Variants in MYOF observed in about 807,000 individuals in gnomAD.
The protein encoded by MYOF is myoferlin.
MYOF carries 244 observed loss-of-function variants against 284.2 expected under a neutral mutation model. The ratio of observed to expected loss-of-function variants is 0.86; its 90% CI spans 0.77 to 0.95. The LOEUF (loss-of-function observed/expected upper bound fraction) is 0.95. Ranked by LOEUF, MYOF falls within the 40% of genes least tolerant of loss-of-function variation. The pLI is 0.00. For missense variants in MYOF, 2,496 were observed against 2,560.6 expected (o/e 0.97, Z 0.54); for synonymous variants, 904 against 919.7 (o/e 0.98, Z 0.31).
In MYOF at chr10:93,306,947, G is replaced by A. The variant is rs1014068736; in HGVS notation, c.*16C>T. 1.7e-5 allele frequency: 28 copies of A among 1,611,532 alleles called. No homozygotes were observed. The highest frequency in any genetic ancestry group is 2.3e-5 in the Non-Finnish European group (27 of 1,178,128). Reference sequence around the variant, plus strand: ...CTCATTGCTGGATGACTCTTGAAATGAAGCCTTTGCCTTTGTTACACATTT... The same window carrying A: ...CTCATTGCTGGATGACTCTTGAAATAAAGCCTTTGCCTTTGTTACACATTT... On this transcript the variant is annotated 3_prime_UTR_variant, in exon 54 of 54. Transcript: ENST00000359263.
intron 2 of MYOF, among the ~76,000 whole-genome samples, chr10:93,454,985 AT>A (rs141593861): frequency 0.07 from 2,034 of 29,208 alleles, 280 homozygotes; most frequent in African/African-American, 0.15. Context: ...TCTTTTTTTA[AT>A]TAAAAAAAAA....
Position 93,378,693 on chromosome 10 carries a change from G to GTGTGTGTATA in MYOF, c.2001+1169_2001+1170insTATACACACA. Among the ~76,000 whole-genome samples, 31 of 87,868 alleles carry GTGTGTGTATA rather than the reference G, an allele frequency of 3.5e-4. 2 individuals are homozygous for GTGTGTGTATA. The highest frequency in any genetic ancestry group is 1.6e-3 in the East Asian group (2 of 1,228). 57.6% of individuals were successfully genotyped at this position (87,868 alleles called of 152,430 possible). A position where few individuals can be genotyped will look rare whatever the true frequency, so the allele number is the denominator to read the frequency against. On this transcript the variant is annotated intron_variant, in intron 21 of 53. Transcript: ENST00000359263. ...TATGTGTGTGTGTATGTGTGTGTGTGTATATATATATATATATATATATGT... is the reference window on the plus strand; with the variant it reads ...TATGTGTGTGTGTATGTGTGTGTGTGTGTGTGTATATATATATATATATATATATATATGT...
intron 36 of MYOF, 37 bp from the exon 37 acceptor site, chr10:93,347,819 C>G (rs764707179): frequency 6.3e-7 from 1 of 1,583,472 alleles, no homozygotes; most frequent in Non-Finnish European, 8.6e-7. Flanking sequence ...TTCTCAAGAC[C>G]AGACGAGGGC....
chr10:93,398,023 T>C (rs1847105919), intron 13 of MYOF, among the ~76,000 whole-genome samples: 1 of 152,306 alleles, frequency 6.6e-6, no homozygotes, highest in Middle Eastern at 3.4e-3. Context: ...TCTTGCCTCC[T>C]GACTTTCATG....
chr10:93,314,989 T>C (rs1158905978), intron 50 of MYOF, among the ~76,000 whole-genome samples: 2 of 152,178 alleles, frequency 1.3e-5, no homozygotes, highest in African/African-American at 4.8e-5. Flanking sequence ...AGGTGGAGGT[T>C]GCAGTGATCC....
At chr10:93,383,112 G>T (rs866214191) in intron 19 of MYOF, among the ~76,000 whole-genome samples, 3 of 152,012 alleles carry the variant, frequency 2.0e-5, no homozygotes, top group Non-Finnish European at 4.4e-5. Context: ...GGCCAGGCTG[G>T]TCTCTAACTC....
intron 23 of MYOF, 63 bp from the exon 24 acceptor site, chr10:93,373,148 C>T (rs787647): frequency 0.8 from 1,275,934 of 1,598,594 alleles, 511,073 homozygotes; most frequent in East Asian, 0.98. Context: ...GGAGAGGGAC[C>T]GAAGACCCTG....
Position 93,351,667 on chromosome 10 carries a change from C to T in MYOF, c.3661G>A (p.Val1221Met), listed in dbSNP as rs1473091047. 3.1e-6 allele frequency: 5 copies of T among 1,587,850 alleles called. No homozygotes were observed. Among genetic ancestry groups the T allele is most frequent in the African/African-American group, 1.4e-5 (1 of 73,692 alleles). The change falls in exon 33 of 54, where the codon GTG (valine) becomes ATG (methionine). Residue 1221 changes from valine to methionine, a missense_variant and splice_region_variant. Physicochemically the swap from Val to Met is conservative, Grantham distance 21. This residue lies in a region of MYOF where 2,436 missense variants were observed against 2,480.7 expected (regional missense o/e 0.98). Transcript: ENST00000359263. ...CTTAGAAATTCTAAACGACCTACCA[C>T]TTGGTCATTGTCAAAAAGTTCCATG... ...VIMELFDNDQ[V>M]GKDEFLGRSI...
chr10:93,458,474 ACCTGTAATC>A (rs1312287178), intron 1 of MYOF, among the ~76,000 whole-genome samples: 1 of 150,862 alleles, frequency 6.6e-6, no homozygotes, highest in East Asian at 2.0e-4. Flanking sequence ...GGTGGCTGAC[ACCTGTAATC>A]CCAGCACTTT....
At chr10:93,332,940 A>AG (rs895487080) in intron 43 of MYOF, among the ~76,000 whole-genome samples, 4 of 152,140 alleles carry the variant, frequency 2.6e-5, no homozygotes, top group African/African-American at 7.2e-5. Context: ...GCCAGGTGGG[A>AG]GGGGGGTCCC....
intron 45 of MYOF, among the ~76,000 whole-genome samples, chr10:93,326,304 C>G (rs544917188): frequency 6.6e-6 from 1 of 152,274 alleles, no homozygotes; most frequent in African/African-American, 2.4e-5. Flanking sequence ...GCCATGTGAC[C>G]AAGTTCAGCC....
At chr10:93,333,974 G>A (rs141948438) in intron 41 of MYOF, 61 bp from the exon 42 acceptor site, 39,957 of 1,544,158 alleles carry the variant, frequency 0.026, 695 homozygotes, top group South Asian at 0.064. Flanking sequence ...AGGGCTCCTG[G>A]GAAGTCCCCT....
intron 5 of MYOF, among the ~76,000 whole-genome samples, chr10:93,410,686 GAGTT>G (rs1847865208): frequency 6.6e-6 from 1 of 152,180 alleles, no homozygotes; most frequent in African/African-American, 2.4e-5. Context: ...AATACACAAA[GAGTT>G]AGAACTTCTG....
chr10:93,370,015 G>C (rs1241859191), intron 24 of MYOF, among the ~76,000 whole-genome samples: 1 of 152,158 alleles, frequency 6.6e-6, no homozygotes, highest in African/African-American at 2.4e-5. Flanking sequence ...TTTTCAGGAG[G>C]TCCACAAGGT....
chr10:93,403,131 A>C (rs923672954), intron 9 of MYOF, among the ~76,000 whole-genome samples: 5 of 152,214 alleles, frequency 3.3e-5, no homozygotes, highest in Admixed American at 3.3e-4. Context: ...AAGGGACCAC[A>C]GAAGCAGAGT....
chr10:93,375,887 C>A (rs1271680062), intron 22 of MYOF, among the ~76,000 whole-genome samples: 1 of 152,148 alleles, frequency 6.6e-6, no homozygotes, highest in East Asian at 1.9e-4. Flanking sequence ...CCAGAATTAG[C>A]CTTCTGCTGC....
intron 19 of MYOF, among the ~76,000 whole-genome samples, chr10:93,385,934 G>A (rs1164813838): frequency 6.6e-6 from 1 of 151,020 alleles, no homozygotes; most frequent in African/African-American, 2.4e-5. Context: ...AAACTAATTT[G>A]GTTTTGCATT....
chr10:93,420,502 A>G (rs1848316056), intron 5 of MYOF, among the ~76,000 whole-genome samples: 1 of 152,218 alleles, frequency 6.6e-6, no homozygotes, highest in African/African-American at 2.4e-5. Context: ...TCATCTTCAT[A>G]TAAAAGCTCT....
At chr10:93,421,331 T>A (rs1036506099) in intron 5 of MYOF, among the ~76,000 whole-genome samples, 6 of 152,254 alleles carry the variant, frequency 3.9e-5, no homozygotes, top group African/African-American at 7.2e-5. Flanking sequence ...GCTGTCTTGC[T>A]GTTCTCTGTC....
Sources: gnomAD v4.1 joint callset for allele counts (sites outside exome capture counted in the v4.1 genomes callset) on GRCh38, gnomAD v4.1.1 for gene constraint, gnomAD v4.1.1 regional missense constraint, MANE v1.5 for transcripts, NCBI Gene and HGNC (gene_info 2026-07-23, HGNC 2026-07-21) for gene names.